Variants in SH3RF2 observed in about 807,000 individuals in gnomAD.
SH3RF2 encodes SH3 domain containing ring finger 2.
A neutral mutation model predicts 59.0 loss-of-function variants in SH3RF2; 43 were observed. The ratio of observed to expected loss-of-function variants is 0.73; its 90% CI spans 0.57 to 0.94. The LOEUF (loss-of-function observed/expected upper bound fraction) is 0.94. Ranked by LOEUF, SH3RF2 falls within the 40% of genes least tolerant of loss-of-function variation. SH3RF2 has a pLI of 0.00. For synonymous variants in SH3RF2, 391 were observed against 391.5 expected (o/e 1.00, Z 0.01); for missense variants, 930 against 940.1 (o/e 0.99, Z 0.14).
intron 4 of SH3RF2, among the ~76,000 whole-genome samples, chr5:146,006,110 G>C (rs951138145): frequency 2.0e-5 from 3 of 152,258 alleles, no homozygotes; most frequent in South Asian, 4.1e-4. Context: ...TCCAGTAATT[G>C]CAAGTGTGTT....
chr5:146,042,919 GGGAGCATCAGTT>G (rs1446594809), intron 5 of SH3RF2: 1 of 152,290 alleles, frequency 6.6e-6, no homozygotes, highest in Non-Finnish European at 1.5e-5. Context: ...CCCTGTGCCA[GGGAGCATCAGTT>G]GGTGGAGAAC....
chr5:146,060,891 C>CTCAATAATATCCTTT (rs1762864520), intron 9 of SH3RF2, among the ~76,000 whole-genome samples: 1 of 152,164 alleles, frequency 6.6e-6, no homozygotes, highest in African/African-American at 2.4e-5. Context: ...GGCTTATGTT[C>CTCAATAATATCCTTT]TCAATAATAT....
chr5:146,069,281 CA>C (rs1204124620), intron 9 of SH3RF2, among the ~76,000 whole-genome samples: 1 of 152,132 alleles, frequency 6.6e-6, no homozygotes, highest in Non-Finnish European at 1.5e-5. Context: ...GGAATTTTGT[CA>C]AGAATTTTTC....
intron 5 of SH3RF2, among the ~76,000 whole-genome samples, chr5:146,036,232 C>T (rs955302552): frequency 2.0e-5 from 3 of 152,070 alleles, no homozygotes; most frequent in Non-Finnish European, 2.9e-5. Context: ...GCAGCAGGAC[C>T]CTTGGGCTCA....
At chr5:146,040,745 T>C (rs1762096922) in intron 5 of SH3RF2, among the ~76,000 whole-genome samples, 1 of 152,100 alleles carries the variant, frequency 6.6e-6, no homozygotes, top group African/African-American at 2.4e-5. Flanking sequence ...AATAAATAGC[T>C]CTGGGTGGCT....
At chr5:146,055,099 T>C (rs1036363812) in intron 7 of SH3RF2, among the ~76,000 whole-genome samples, 2 of 152,256 alleles carry the variant, frequency 1.3e-5, no homozygotes, top group African/African-American at 4.8e-5. Flanking sequence ...TTGAAAATCA[T>C]AGCCCAAGGC....
chr5:146,054,769 A>C (rs1174538024), intron 7 of SH3RF2, among the ~76,000 whole-genome samples: 1 of 152,268 alleles, frequency 6.6e-6, no homozygotes, highest in East Asian at 1.9e-4. Flanking sequence ...AGAAGGAAAG[A>C]CAAAGAGAGA....
intron 2 of SH3RF2, among the ~76,000 whole-genome samples, chr5:145,995,176 T>C (rs576467055): frequency 6.6e-6 from 1 of 152,242 alleles, no homozygotes; most frequent in African/African-American, 2.4e-5. Flanking sequence ...GCTAGAGCTC[T>C]AGGGATCATG....
chr5:146,061,659 G>A (rs894490913), intron 9 of SH3RF2, among the ~76,000 whole-genome samples: 1 of 152,090 alleles, frequency 6.6e-6, no homozygotes. Context: ...TGTACCTATG[G>A]GTGCCTAGCA....
rs1023337569 is a variant in SH3RF2, at chr5:146,056,157, G to A, written c.1499G>A (p.Gly500Asp). 72 of 1,614,058 alleles carry A rather than the reference G, an allele frequency of 4.5e-5. No homozygotes were observed. The highest frequency in any genetic ancestry group is 5.7e-5 in the Non-Finnish European group (67 of 1,180,038). ...AIVNPVRSTA[G>D]PGTLGQGSLR... is the part of the protein sequence containing the mutation. ...GTCAACCCCGTGAGAAGCACAGCCG[G>A]CCCTGGGACTTTAGGACAAGGGTCT... The change falls in exon 8 of 10, where the codon GGC becomes GAC. Residue 500 changes from glycine to aspartate, a missense_variant. Physicochemically the swap from Gly to Asp is moderately conservative, Grantham distance 94 (BLOSUM62 -1). Transcript: ENST00000359120.
At chr5:146,049,342 G>A in intron 7 of SH3RF2, 97 bp downstream of exon 7, 3 of 1,400,434 alleles carry the variant, frequency 2.1e-6, no homozygotes, top group Non-Finnish European at 2.9e-6. Context: ...TGCTCTTTCA[G>A]AAAACAGGCC....
chr5:145,994,516 T>C (rs1580828170), intron 2 of SH3RF2, among the ~76,000 whole-genome samples: 1 of 152,214 alleles, frequency 6.6e-6, no homozygotes, highest in Non-Finnish European at 1.5e-5. Flanking sequence ...CTCAGAATCA[T>C]GGCAGGAGGT....
chr5:146,044,581 G>T (rs1663956986), intron 5 of SH3RF2, among the ~76,000 whole-genome samples: 1 of 151,970 alleles, frequency 6.6e-6, no homozygotes, highest in African/African-American at 2.4e-5. Context: ...CATTTTTATT[G>T]GGTTCTTTGT....
chr5:145,979,646 T>G (rs1038521811), intron 2 of SH3RF2, among the ~76,000 whole-genome samples: 1 of 152,304 alleles, frequency 6.6e-6, no homozygotes, highest in African/African-American at 2.4e-5. Flanking sequence ...TTTTGAAAAT[T>G]TAACAATTGG....
chr5:145,949,854 A>G (rs1216065226), intron 2 of SH3RF2, among the ~76,000 whole-genome samples: 1 of 152,148 alleles, frequency 6.6e-6, no homozygotes, highest in Non-Finnish European at 1.5e-5. Context: ...ATTTCTTTTT[A>G]TTGTTTTGTT....
intron 2 of SH3RF2, among the ~76,000 whole-genome samples, chr5:145,996,526 T>A (rs79555611): frequency 3.3e-5 from 4 of 121,564 alleles, no homozygotes; most frequent in East Asian, 2.7e-4. Flanking sequence ...TGATTTTTTT[T>A]AAAAAACTGA....
rs145254883 is a variant in SH3RF2, at chr5:146,059,729, C to G, written c.1556-137C>G. ...AGAATAAGGTCACCTTTGAAAGACCCGGAGAGAATGTGAGTGCAGTCAGAT... is the reference window on the plus strand; with the variant it reads ...AGAATAAGGTCACCTTTGAAAGACCGGGAGAGAATGTGAGTGCAGTCAGAT... On this transcript the variant is annotated intron_variant, in intron 8 of 9. Transcript: ENST00000359120. 3.8e-3 allele frequency: 2,229 copies of G among 582,822 alleles called. 11 individuals carry two copies. Among genetic ancestry groups the G allele is most frequent in the Non-Finnish European group, 4.7e-3 (1,651 of 353,514 alleles). The allele number at this position is 582,822 out of a possible 1,614,324, so 36.1% of individuals were successfully genotyped here.
In SH3RF2 at chr5:146,070,652, T is replaced by C. The variant is rs527421857; in HGVS notation, c.*34-7808T>C. Reference sequence around the variant, plus strand: ...GAGCAGAGTCCCACAAGAAGAGGGATATGATCTCCAAAATGACCCCCACTT... The same window carrying C: ...GAGCAGAGTCCCACAAGAAGAGGGACATGATCTCCAAAATGACCCCCACTT... On this transcript the variant is annotated intron_variant, in intron 9 of 9. Transcript: ENST00000511217. 1.1e-4 allele frequency among the ~76,000 whole-genome samples: 17 copies of C among 152,300 alleles called. 2 individuals carry two copies. In the South Asian group the frequency reaches 3.3e-3, roughly 30 times the overall value.
intron 5 of SH3RF2, among the ~76,000 whole-genome samples, chr5:146,041,003 T>C (rs1433926973): frequency 6.6e-6 from 1 of 152,152 alleles, no homozygotes; most frequent in Non-Finnish European, 1.5e-5. Context: ...TAAACACACA[T>C]GCCTCCTCCG....
Sources: gnomAD v4.1 joint callset for allele counts (sites outside exome capture counted in the v4.1 genomes callset) on GRCh38, gnomAD v4.1.1 for gene constraint, MANE v1.5 for transcripts, NCBI Gene and HGNC (gene_info 2026-07-23, HGNC 2026-07-21) for gene names.